The following DEGS2 variants were observed in gnomAD, a reference collection of about 807,000 sequenced individuals.
The protein encoded by DEGS2 is delta 4-desaturase, sphingolipid 2.
DEGS2 carries 19 observed loss-of-function variants against 23.8 expected under a neutral mutation model. That is an observed-to-expected ratio of 0.80 (90% CI 0.56 to 1.17). The LOEUF (loss-of-function observed/expected upper bound fraction) is 1.17. Ranked by LOEUF, DEGS2 falls within the 50% of genes most tolerant of loss-of-function variation. The pLI is 0.00. For missense variants in DEGS2, 390 were observed against 459.5 expected, an observed-to-expected ratio of 0.85 and a Z score of 1.38; for synonymous variants, 218 against 213.7, an observed-to-expected ratio of 1.02 and a Z score of -0.18.
chr14:100,161,523 A>G (rs1004610063), upstream of DEGS2, among the ~76,000 whole-genome samples: 1 of 152,216 alleles, frequency 6.6e-6, no homozygotes, highest in Non-Finnish European at 1.5e-5. Flanking sequence ...CAGAAATGAC[A>G]GAAAATACAT....
chr14:100,165,358 CCT>C, the DEGS2 span, among the ~76,000 whole-genome samples: 1 of 152,248 alleles, frequency 6.6e-6, no homozygotes, highest in Non-Finnish European at 1.5e-5. Flanking sequence ...CTCTCCTCCC[CCT>C]GACTTCAGCA....
chr14:100,144,121 A>C lies in DEGS2; in HGVS notation c.*2640T>G. Reference sequence around the variant, plus strand: ...ACAGCCGGCCCAGCGTGGCGCCACCACACACCGCAGAGCTGTCCAGGCACA... The same window carrying C: ...ACAGCCGGCCCAGCGTGGCGCCACCCCACACCGCAGAGCTGTCCAGGCACA... On this transcript the variant is annotated 3_prime_UTR_variant, in exon 3 of 3. Transcript: ENST00000305631. 1 of 311,680 alleles carries C rather than the reference A, an allele frequency of 3.2e-6. No individual in the cohort carries two copies. Among genetic ancestry groups the C allele is most frequent in the Non-Finnish European group, 6.1e-6 (1 of 164,920 alleles). 19.3% of individuals were successfully genotyped at this position (311,680 alleles called of 1,614,324 possible). A position where few individuals can be genotyped will look rare whatever the true frequency, so the allele number is the denominator to read the frequency against.
intron 1 of DEGS2, 38 bp downstream of exon 1, chr14:100,159,468 G>T (rs1209631997): frequency 1.1e-5 from 16 of 1,439,094 alleles, no homozygotes; most frequent in Non-Finnish European, 1.8e-6. Flanking sequence ...GGGCCAACGG[G>T]GCGGTCCCCA....
intron 2 of DEGS2, among the ~76,000 whole-genome samples, chr14:100,148,755 C>T (rs1296662825): frequency 6.6e-6 from 1 of 152,264 alleles, no homozygotes; most frequent in African/African-American, 2.4e-5. Flanking sequence ...TCAGACCCCA[C>T]CTCCCTGAAT....
intron 1 of DEGS2, among the ~76,000 whole-genome samples, chr14:100,152,904 GGAAA>G (rs1361982440): frequency 3.3e-5 from 5 of 151,832 alleles, no homozygotes; most frequent in Non-Finnish European, 5.9e-5. Context: ...ATGGATGGAA[GGAAA>G]GAAGGAAGGG....
At chr14:100,146,996 G>T in intron 2 of DEGS2, 89 bp from the exon 3 acceptor site, 2 of 1,466,182 alleles carry the variant, frequency 1.4e-6, no homozygotes, top group Non-Finnish European at 1.8e-6. Context: ...ACACGCGGTG[G>T]GCATGCACAT....
chr14:100,146,853 C>T lies in DEGS2; in HGVS notation c.880G>A (p.Val294Met). 1.2e-6 allele frequency: 2 copies of T among 1,613,836 alleles called. No individual in the cohort carries two copies. The highest frequency in any genetic ancestry group is 1.1e-5 in the South Asian group (1 of 91,084). ...YDHLPQHHSW[V>M]KVLWDFVFED... ...AACACAAAATCCCAGAGCACCTTCA[C>T]CCAGGAGTGGTGCTGCGGCAGGTGG... Residue 294 changes from valine to methionine, a missense_variant, in exon 3 of 3, where the codon GTG becomes ATG. Val to Met is a conservative substitution (Grantham distance 21). Coordinates refer to ENST00000305631, the MANE Select transcript of DEGS2 (RefSeq NM_206918.3).
upstream of DEGS2, among the ~76,000 whole-genome samples, chr14:100,161,335 C>A (rs927395758): frequency 4.6e-5 from 7 of 152,118 alleles, no homozygotes; most frequent in Non-Finnish European, 8.8e-5. Context: ...AGAGAGGGGA[C>A]AAGTCAGAGG....
At chr14:100,155,034 C>T (rs1392126822) in intron 1 of DEGS2, among the ~76,000 whole-genome samples, 8 of 152,200 alleles carry the variant, frequency 5.3e-5, no homozygotes, top group African/African-American at 1.7e-4. Context: ...CTAGGGAGAC[C>T]TGCTGTATCA....
intron 2 of DEGS2, 94 bp downstream of exon 2, chr14:100,148,874 G>C (rs1037473108): frequency 2.1e-6 from 3 of 1,398,336 alleles, no homozygotes; most frequent in Non-Finnish European, 1.9e-6. Context: ...GGGAGAGGCT[G>C]CTGGGCATGG....
the DEGS2 span, among the ~76,000 whole-genome samples, chr14:100,165,452 T>A: frequency 6.6e-6 from 1 of 152,248 alleles, no homozygotes. Flanking sequence ...TGACAAACCA[T>A]CTTTTCAACG....
chr14:100,148,524 C>T (rs572105839), intron 2 of DEGS2, among the ~76,000 whole-genome samples: 1 of 152,374 alleles, frequency 6.6e-6, no homozygotes, highest in African/African-American at 2.4e-5. Flanking sequence ...CACTCCCCAT[C>T]AGCTCTGCCC....
At chr14:100,153,496 G>A (rs1239193163) in intron 1 of DEGS2, among the ~76,000 whole-genome samples, 1 of 152,190 alleles carries the variant, frequency 6.6e-6, no homozygotes, top group Non-Finnish European at 1.5e-5. Context: ...GAAAGCCCAA[G>A]GCAGAGAAGG....
At position 100,144,159 on chromosome 14, in the gene DEGS2, G is replaced by A. The variant is rs1307197738; in HGVS notation, c.*2602C>T. The A allele has an allele frequency of 4.9e-6, 1 of 205,886 alleles. No homozygotes were observed. Among genetic ancestry groups the A allele is most frequent in the Admixed American group, 5.4e-5 (1 of 18,622 alleles). 12.8% of individuals were successfully genotyped at this position (205,886 alleles called of 1,614,324 possible). On this transcript the variant is annotated 3_prime_UTR_variant, in exon 3 of 3. Coordinates refer to ENST00000305631, the MANE Select transcript of DEGS2 (RefSeq NM_206918.3). ...CTGTCCAGGCACAGCTCCGTCCCCA[G>A]CGCTCATGGTGTTGAAACTGTCTGT... is the stretch of plus-strand genomic sequence containing the variant.
chr14:100,150,937 G>A (rs1027193261), intron 1 of DEGS2, among the ~76,000 whole-genome samples: 4 of 152,162 alleles, frequency 2.6e-5, no homozygotes, highest in South Asian at 2.1e-4. Flanking sequence ...TGGGGCCTCC[G>A]GAGCCACTGG....
upstream of DEGS2, among the ~76,000 whole-genome samples, chr14:100,164,172 C>T (rs530910081): frequency 6.6e-6 from 1 of 152,016 alleles, no homozygotes; most frequent in African/African-American, 2.4e-5. Context: ...GGCTCAAGCA[C>T]TCTTCCTGCC....
At chr14:100,147,360 C>T (rs1054216872) in intron 2 of DEGS2, among the ~76,000 whole-genome samples, 2 of 152,204 alleles carry the variant, frequency 1.3e-5, no homozygotes, top group Non-Finnish European at 2.9e-5. Context: ...TCTCCCGCAG[C>T]GCCTGCGCAG....
upstream of DEGS2, chr14:100,159,837 C>A: frequency 3.4e-6 from 1 of 290,650 alleles, no homozygotes; most frequent in Non-Finnish European, 6.4e-6. Context: ...TGGGGCTCCC[C>A]GGCAGGACCG....
rs760742148 is a variant in DEGS2, at chr14:100,159,619, C to CCGGCT, written c.-37_-33dup. The CCGGCT allele has an allele frequency of 2.5e-5, 37 of 1,462,418 alleles. No homozygotes were observed. The highest frequency in any genetic ancestry group is 9.1e-5 in the South Asian group (7 of 76,720). 90.6% of individuals were successfully genotyped at this position (1,462,418 alleles called of 1,614,324 possible). ...GCGGGAGGCGCCGTTCGGAGCGCGG[C>CCGGCT]CGGCTCGGCTCTGCTGCACCTGTCG... On this transcript the variant is annotated 5_prime_UTR_variant, in exon 1 of 3. Transcript: ENST00000305631.
Sources: gnomAD v4.1 joint callset for allele counts (sites outside exome capture counted in the v4.1 genomes callset) on GRCh38, gnomAD v4.1.1 for gene constraint, MANE v1.5 for transcripts, NCBI Gene and HGNC (gene_info 2026-07-23, HGNC 2026-07-21) for gene names.